Variants in KDM2B observed in about 807,000 individuals in gnomAD.
The protein encoded by KDM2B is lysine-specific demethylase 2B.
KDM2B carries 26 observed loss-of-function variants against 150.0 expected under a neutral mutation model. The ratio of observed to expected loss-of-function variants is 0.17; its 90% CI spans 0.13 to 0.24. The LOEUF (loss-of-function observed/expected upper bound fraction) is 0.24, where lower values mean the gene tolerates loss of function less well. Ranked by LOEUF, KDM2B falls within the 10% of genes least tolerant of loss-of-function variation. The probability of loss-of-function intolerance (pLI) is 1.00; values close to 1 mark genes in which losing one functional copy is unlikely to be tolerated. For missense variants in KDM2B, 1,265 were observed against 1,816.9 expected, an observed-to-expected ratio of 0.70 and a Z score of 5.52; for synonymous variants, 734 against 729.5, an observed-to-expected ratio of 1.01 and a Z score of -0.10.
intron 6 of KDM2B, among the ~76,000 whole-genome samples, chr12:121,548,427 C>T (rs373068363): frequency 1.3e-5 from 2 of 152,278 alleles, no homozygotes; most frequent in African/African-American, 2.4e-5. Context: ...GGTCTCAACA[C>T]CAAGGAACAA....
In KDM2B at chr12:121,521,122, G is replaced by A. The variant is rs1886646865; in HGVS notation, c.932-22C>T. On this transcript the variant is annotated intron_variant, in intron 8 of 22. Coordinates refer to ENST00000377071, the MANE Select transcript of KDM2B (RefSeq NM_032590.5). This position sits in a 1 kb window ranked among gnomAD's most constrained non-coding sequence, Gnocchi z 4.9. Reference sequence around the variant, plus strand: ...CAACCTGGGGTGGGAAGGGCAAGGAGAGGATGAGCCGCTGGCCCCTGTGGG... The same window carrying A: ...CAACCTGGGGTGGGAAGGGCAAGGAAAGGATGAGCCGCTGGCCCCTGTGGG... The A allele has an allele frequency of 1.9e-6, 3 of 1,562,832 alleles. No individual in the cohort carries two copies. The highest frequency in any genetic ancestry group is 2.6e-6 in the Non-Finnish European group (3 of 1,134,030).
intron 12 of KDM2B, among the ~76,000 whole-genome samples, chr12:121,475,631 T>C (rs1566312673): frequency 6.6e-6 from 1 of 151,336 alleles, no homozygotes; most frequent in Non-Finnish European, 1.5e-5. Context: ...CAGTGGCTCA[T>C]GACTGTAATC....
intron 12 of KDM2B, among the ~76,000 whole-genome samples, chr12:121,478,982 TAC>T (rs1881740271): frequency 6.6e-6 from 1 of 151,098 alleles, no homozygotes; most frequent in Non-Finnish European, 1.5e-5. Context: ...CCTCCCAAAG[TAC>T]TGAGATTAAG....
At chr12:121,479,518 A>C (rs1555297496) in intron 12 of KDM2B, among the ~76,000 whole-genome samples, 1 of 151,708 alleles carries the variant, frequency 6.6e-6, no homozygotes, top group Non-Finnish European at 1.5e-5. Flanking sequence ...AGTGGTTCAC[A>C]TGTGTCCCAG....
At chr12:121,506,071 G>A (rs868927701) in intron 11 of KDM2B, among the ~76,000 whole-genome samples, 26 of 148,128 alleles carry the variant, frequency 1.8e-4, no homozygotes, top group African/African-American at 4.9e-4. Context: ...GTGCAGTGGC[G>A]CACTCATAGT....
intron 13 of KDM2B, among the ~76,000 whole-genome samples, chr12:121,446,033 C>T (rs1383689425): frequency 6.6e-6 from 1 of 152,186 alleles, no homozygotes; most frequent in Non-Finnish European, 1.5e-5. Context: ...CCTGGCCCCT[C>T]AGCACCAGGC....
At position 121,513,442 on chromosome 12, in the gene KDM2B, G is replaced by A; in HGVS notation, c.1048-40C>T. The A allele has an allele frequency of 6.2e-7, 1 of 1,600,788 alleles. No homozygotes were observed. The highest frequency in any genetic ancestry group is 2.2e-5 in the East Asian group (1 of 44,474). On this transcript the variant is annotated intron_variant, in intron 9 of 22. Coordinates refer to ENST00000377071, the MANE Select transcript of KDM2B (RefSeq NM_032590.5). The surrounding 1 kb of genome is among the most constrained non-coding windows in gnomAD (Gnocchi z 5.0). ...GCAGGCAGGCAGAGGTCAGTTTCCA[G>A]AGGGCGAAGGGGGAAGGAGGGAGAG... is the stretch of plus-strand genomic sequence containing the variant.
chr12:121,559,174 G>C (rs1335951482), intron 4 of KDM2B, among the ~76,000 whole-genome samples: 1 of 152,206 alleles, frequency 6.6e-6, no homozygotes, highest in African/African-American at 2.4e-5. Context: ...GGAGCAGCTG[G>C]GGCTGAAGTC....
chr12:121,440,644 AG>A, intron 21 of KDM2B, 171 bp downstream of exon 21: 1 of 630,856 alleles, frequency 1.6e-6, no homozygotes, highest in Non-Finnish European at 2.7e-6. Context: ...TGTGCACAGG[AG>A]CCCCTGCCTC....
chr12:121,579,531 G>T (rs576224611), intron 1 of KDM2B: 2 of 1,183,098 alleles, frequency 1.7e-6, no homozygotes, highest in Non-Finnish European at 2.2e-6. Context: ...AAGAGGAGGT[G>T]GGGGGAGGAG....
intron 10 of KDM2B, 124 bp from the exon 11 acceptor site, chr12:121,510,163 G>A (rs1479239078): frequency 1.2e-6 from 1 of 826,412 alleles, no homozygotes; most frequent in African/African-American, 1.7e-5. Flanking sequence ...CAATCCTAAT[G>A]GTCAGTGCCT....
intron 1 of KDM2B, chr12:121,579,735 C>A: frequency 6.8e-7 from 1 of 1,466,880 alleles, no homozygotes. Flanking sequence ...CCTCAGCCCC[C>A]CAGATTCCGG....
intron 19 of KDM2B, among the ~76,000 whole-genome samples, chr12:121,441,562 G>A (rs1421226154): frequency 2.0e-5 from 3 of 152,024 alleles, no homozygotes; most frequent in African/African-American, 4.8e-5. Context: ...TCAGCCTCCC[G>A]AGTAGCTGGG....
chr12:121,438,200 G>A (rs533024980), intron 22 of KDM2B, among the ~76,000 whole-genome samples: 26 of 150,296 alleles, frequency 1.7e-4, no homozygotes, highest in African/African-American at 6.4e-4. Context: ...GCTGGAGTGA[G>A]CCGAGATCGC....
chr12:121,528,654 T>C lies in KDM2B; in HGVS notation c.931+4152A>G, dbSNP rs139773714. Among the ~76,000 whole-genome samples the C allele has an allele frequency of 3.7e-3, 570 of 152,240 alleles. 16 individuals carry two copies. The highest frequency in any genetic ancestry group is 0.034 in the Admixed American group (527 of 15,284). ...ATTCTATCAGACATTCAAAGATGAC[T>C]TGGCAAGCCAAGCAGATCACCTGAG... On this transcript the variant is annotated intron_variant, in intron 8 of 22. Coordinates refer to ENST00000377071, the MANE Select transcript of KDM2B (RefSeq NM_032590.5).
downstream of KDM2B, among the ~76,000 whole-genome samples, chr12:121,428,332 A>G (rs1218090562): frequency 6.6e-6 from 1 of 152,088 alleles, no homozygotes; most frequent in Non-Finnish European, 1.5e-5. Flanking sequence ...AGCTGGGACT[A>G]CAGGCATGCA....
At chr12:121,423,557 T>C in the KDM2B span, 10 of 1,613,720 alleles carry the variant, frequency 6.2e-6, no homozygotes, top group Non-Finnish European at 8.5e-6. The surrounding 1 kb of genome is among the most constrained non-coding windows in gnomAD (Gnocchi z 4.3). Flanking sequence ...GTGCGAGCCG[T>C]GCACGTGTTC....
At chr12:121,455,236 G>C (rs1293105043) in intron 12 of KDM2B, among the ~76,000 whole-genome samples, 2 of 152,148 alleles carry the variant, frequency 1.3e-5, no homozygotes, top group African/African-American at 4.8e-5. Context: ...GTGCTCCCCG[G>C]CTCTACCACC....
chr12:121,548,739 C>A, intron 6 of KDM2B, 138 bp downstream of exon 6: 1 of 666,978 alleles, frequency 1.5e-6, no homozygotes, highest in Admixed American at 2.5e-5. Flanking sequence ...CCCACAGGCA[C>A]AGTCCTTCAG....
Sources: gnomAD v4.1 joint callset for allele counts (sites outside exome capture counted in the v4.1 genomes callset) on GRCh38, gnomAD v4.1.1 for gene constraint, Gnocchi (gnomAD v3.1) non-coding constraint, MANE v1.5 for transcripts, NCBI Gene and HGNC (gene_info 2026-07-23, HGNC 2026-07-21) for gene names.